The following SRSF7 variants were observed in gnomAD, a reference collection of about 807,000 sequenced individuals.
SRSF7 encodes the protein serine and arginine rich splicing factor 7, also known as serine/arginine-rich splicing factor 7.
SRSF7 carries 15 observed loss-of-function variants against 42.2 expected under a neutral mutation model. That is an observed-to-expected ratio of 0.36 (90% CI 0.24 to 0.55). SRSF7 has a LOEUF of 0.55. Among genes scored for constraint, SRSF7 ranks in the 20% least tolerant of loss-of-function variants. SRSF7 has a pLI of 0.88. For missense variants in SRSF7, 181 were observed against 305.9 expected (o/e 0.59, Z 3.04); for synonymous variants, 138 against 107.9 (o/e 1.28, Z -1.73).
intron 3 of SRSF7, chr2:38,749,035 G>C: frequency 7.7e-7 from 1 of 1,304,460 alleles, no homozygotes; most frequent in Non-Finnish European, 1.0e-6. Flanking sequence ...AAATGAGCCA[G>C]GTGAGGCTTG....
Position 38,746,603 on chromosome 2 carries a change from A to C in SRSF7, c.626+91T>G, listed in dbSNP as rs532626544. On this transcript the variant is annotated intron_variant, in intron 6 of 7. Coordinates refer to ENST00000313117, the MANE Select transcript of SRSF7 (RefSeq NM_001031684.3). ...CCACTAAAACCTAAGTTTAGAGTTA[A>C]CACTTAAAATTTCAACAATTAAAAA... The C allele has an allele frequency of 3.8e-6, 6 of 1,573,876 alleles. No homozygotes were observed. In the South Asian group the frequency reaches 7.0e-5, roughly 18 times the overall value.
At chr2:38,748,797 A>G in intron 3 of SRSF7, 144 bp from the exon 4 acceptor site, 2 of 1,179,126 alleles carry the variant, frequency 1.7e-6, no homozygotes, top group East Asian at 2.6e-5. Flanking sequence ...TTAGTTGTTG[A>G]GTATTTTTTT....
intron 3 of SRSF7, chr2:38,749,040 G>A: frequency 7.7e-7 from 1 of 1,306,342 alleles, no homozygotes; most frequent in Non-Finnish European, 1.0e-6. Flanking sequence ...AGCCAGGTGA[G>A]GCTTGATTGA....
chr2:38,745,675 G>C (rs1572558827), intron 7 of SRSF7, among the ~76,000 whole-genome samples: 1 of 151,942 alleles, frequency 6.6e-6, no homozygotes, highest in Non-Finnish European at 1.5e-5. Context: ...AAAAAATTAG[G>C]CTATCCTCCT....
intron 6 of SRSF7, 112 bp from the exon 7 acceptor site, chr2:38,746,291 A>G: frequency 3.3e-6 from 4 of 1,217,120 alleles, no homozygotes; most frequent in Non-Finnish European, 4.7e-6. Context: ...GTCAGACTGC[A>G]CTTAAACTGA....
chr2:38,746,066 C>A, intron 7 of SRSF7, 78 bp downstream of exon 7: 1 of 1,464,036 alleles, frequency 6.8e-7, no homozygotes, highest in Admixed American at 1.7e-5. Context: ...AGCTCAAAGA[C>A]TGCAAAGCAG....
chr2:38,751,401 G>T (rs899841618), upstream of SRSF7: 2 of 1,078,822 alleles, frequency 1.9e-6, no homozygotes, highest in African/African-American at 3.1e-5. Flanking sequence ...TGCGGCCGCT[G>T]CGCTTTGCGC....
chr2:38,746,234 T>G, intron 6 of SRSF7, 55 bp from the exon 7 acceptor site: 2 of 1,594,378 alleles, frequency 1.3e-6, no homozygotes, highest in Non-Finnish European at 1.7e-6. Flanking sequence ...ATCCCTTTCT[T>G]GTAGTCACCA....
rs1419250678 is a variant in SRSF7 at position 38,750,985 on chromosome 2, C to T, written c.28+244G>A. 1.3e-5 allele frequency: 6 copies of T among 477,406 alleles called. No individual in the cohort carries two copies. In the East Asian group the frequency reaches 2.2e-4, roughly 17 times the overall value. 29.6% of individuals were successfully genotyped at this position (477,406 alleles called of 1,614,324 possible). Reference sequence around the variant, plus strand: ...GGCAACGCGAAAACCGTCATCTCAACCCTGCTTTAGGCTGGATTGGGCCAC... The same window carrying T: ...GGCAACGCGAAAACCGTCATCTCAATCCTGCTTTAGGCTGGATTGGGCCAC... On this transcript the variant is annotated intron_variant, in intron 1 of 7. Coordinates refer to ENST00000313117, the MANE Select transcript of SRSF7 (RefSeq NM_001031684.3).
chr2:38,749,279 G>C (rs912016749), intron 3 of SRSF7: 27 of 1,452,222 alleles, frequency 1.9e-5, no homozygotes, highest in Non-Finnish European at 2.5e-5. Context: ...GATTTGCAAG[G>C]CGCCTCAGCA....
chr2:38,748,747 T>C, intron 3 of SRSF7, 94 bp from the exon 4 acceptor site: 1 of 1,367,510 alleles, frequency 7.3e-7, no homozygotes, highest in Non-Finnish European at 1.0e-6. Context: ...TCAAAACTAT[T>C]TAAATTTAGT....
Position 38,748,018 on chromosome 2 carries a change from C to A in SRSF7, c.572+29G>T, listed in dbSNP as rs568408632. The A allele has an allele frequency of 7.2e-6, 11 of 1,534,852 alleles. No individual in the cohort carries two copies. The African/African-American group carries it at 1.5e-4, about 21-fold the overall frequency. ...ACTGATAAGATGTGAACAATCCAAA[C>A]ACAAGTAAGGAAAAAAAGTGTTACA... On this transcript the variant is annotated intron_variant, in intron 5 of 7. Transcript: ENST00000313117.
At chr2:38,745,215 C>T (rs1297421476) in intron 7 of SRSF7, 28 bp from the exon 8 acceptor site, 1 of 1,612,808 alleles carries the variant, frequency 6.2e-7, no homozygotes, top group African/African-American at 1.3e-5. Context: ...AGGTTTGGAT[C>T]CAATTAGTGT....
chr2:38,748,439 G>A, intron 4 of SRSF7, 140 bp downstream of exon 4: 1 of 830,314 alleles, frequency 1.2e-6, no homozygotes, highest in Non-Finnish European at 2.0e-6. Context: ...GCAGCAGTGA[G>A]TCGTGGTTAT....
rs1666903909 is a variant in SRSF7 at position 38,743,607 on chromosome 2, T to G, written c.*1526A>C. On this transcript the variant is annotated 3_prime_UTR_variant, in exon 8 of 8. Coordinates refer to ENST00000313117, the MANE Select transcript of SRSF7 (RefSeq NM_001031684.3). ...AAAATTAAGTATCAGGATTATTTGTTCAATCTCTGCAGATTTATTGTTGAG... is the reference window on the plus strand; with the variant it reads ...AAAATTAAGTATCAGGATTATTTGTGCAATCTCTGCAGATTTATTGTTGAG... The G allele has an allele frequency of 6.6e-6, 1 of 152,652 alleles. No individual in the cohort carries two copies. The allele number at this position is 152,652 out of a possible 1,614,324, so 9.5% of individuals were successfully genotyped here. A position where few individuals can be genotyped will look rare whatever the true frequency, so the allele number is the denominator to read the frequency against.
Position 38,744,887 on chromosome 2 carries a change from C to A in SRSF7, c.*246G>T. 1 of 444,150 alleles carries A rather than the reference C, an allele frequency of 2.3e-6. No individual in the cohort carries two copies. The highest frequency in any genetic ancestry group is 4.0e-6 in the Non-Finnish European group (1 of 250,096). The allele number at this position is 444,150 out of a possible 1,614,324, so 27.5% of individuals were successfully genotyped here. The stretch of plus-strand genomic sequence containing the variant: ...AGAAGTGTTAATATTGAACACAAAT[C>A]AAAAATCTAGTTAGAAACATTTTAT... On this transcript the variant is annotated 3_prime_UTR_variant, in exon 8 of 8. Transcript: ENST00000313117.
At chr2:38,749,814 C>A (rs1053833448) in intron 2 of SRSF7, 109 bp from the exon 3 acceptor site, 29 of 1,333,002 alleles carry the variant, frequency 2.2e-5, no homozygotes, top group Admixed American at 3.2e-5. Context: ...CTCCTTCCCC[C>A]CCAACAAACT....
chr2:38,748,782 G>T, intron 3 of SRSF7, 129 bp from the exon 4 acceptor site: 1 of 1,230,094 alleles, frequency 8.1e-7, no homozygotes, highest in Non-Finnish European at 1.1e-6. Context: ...TAAACTCTGG[G>T]CCTATTAGTT....
chr2:38,749,831 G>T, intron 2 of SRSF7, 126 bp from the exon 3 acceptor site: 1 of 1,286,518 alleles, frequency 7.8e-7, no homozygotes, highest in Non-Finnish European at 1.0e-6. Context: ...AACTTTGGCG[G>T]TCTTTACCAA....
Sources: gnomAD v4.1 joint callset for allele counts (sites outside exome capture counted in the v4.1 genomes callset) on GRCh38, gnomAD v4.1.1 for gene constraint, MANE v1.5 for transcripts, NCBI Gene and HGNC (gene_info 2026-07-23, HGNC 2026-07-21) for gene names.